LARP4B: variants seen among roughly 807,000 people sequenced by gnomAD.
LARP4B encodes la-related protein 4B.
A neutral mutation model predicts 89.8 loss-of-function variants in LARP4B; 12 were observed. The observed-to-expected ratio is 0.13, with a 90% CI of 0.09 to 0.22. The LOEUF is 0.22. Among genes scored for constraint, LARP4B ranks in the 10% least tolerant of loss-of-function variants. LARP4B has a pLI of 1.00. For missense variants in LARP4B, 757 were observed against 947.7 expected (o/e 0.80, Z 2.64); for synonymous variants, 367 against 363.3 (o/e 1.01, Z -0.12).
At chr10:838,003 G>T (rs1833318132) in intron 7 of LARP4B, among the ~76,000 whole-genome samples, 1 of 151,888 alleles carries the variant, frequency 6.6e-6, no homozygotes, top group South Asian at 2.1e-4. Flanking sequence ...ACATATTTAA[G>T]TGTACACACA....
At chr10:846,945 A>C (rs1833806985) in intron 5 of LARP4B, among the ~76,000 whole-genome samples, 1 of 152,194 alleles carries the variant, frequency 6.6e-6, no homozygotes. Context: ...CAAGAGAATC[A>C]TCCACTATAA....
the LARP4B span, among the ~76,000 whole-genome samples, chr10:967,216 G>C: frequency 3.9e-5 from 6 of 152,220 alleles, no homozygotes; most frequent in Non-Finnish European, 5.9e-5. Flanking sequence ...AGGACAAACG[G>C]AAAGCTATTC....
At chr10:924,037 C>A (rs996495513) in intron 1 of LARP4B, among the ~76,000 whole-genome samples, 9 of 151,958 alleles carry the variant, frequency 5.9e-5, no homozygotes, top group Admixed American at 2.6e-4. Context: ...AATTCGAGAC[C>A]AGACTGGGCA....
At chr10:878,671 A>T in intron 3 of LARP4B, among the ~76,000 whole-genome samples, 1 of 152,192 alleles carries the variant, frequency 6.6e-6, no homozygotes, top group South Asian at 2.1e-4. Context: ...ATGTAAGGAC[A>T]CCGGGGCCTA....
intron 5 of LARP4B, among the ~76,000 whole-genome samples, chr10:846,480 T>C (rs778122740): frequency 1.3e-5 from 2 of 152,006 alleles, no homozygotes; most frequent in African/African-American, 4.8e-5. Flanking sequence ...ATGGGGAGCC[T>C]CAAGCACAGG....
chr10:972,394 T>C, the LARP4B span: 1 of 424,386 alleles, frequency 2.4e-6, no homozygotes, highest in Non-Finnish European at 4.6e-6. Context: ...ACCATGCTCT[T>C]GGACTTCCCA....
At chr10:831,341 G>A (rs866190742) in intron 8 of LARP4B, among the ~76,000 whole-genome samples, 2 of 147,682 alleles carry the variant, frequency 1.4e-5, no homozygotes, top group African/African-American at 5.0e-5. Flanking sequence ...TTTTGCTTCT[G>A]GCCATGATGG....
At chr10:831,105 A>AAATCT in intron 8 of LARP4B, 128 bp from the exon 9 acceptor site, 1 of 471,618 alleles carries the variant, frequency 2.1e-6, no homozygotes, top group East Asian at 3.8e-5. Flanking sequence ...GATGCCTAGT[A>AAATCT]AATCTCTCTT....
chr10:822,873 G>A lies in LARP4B; in HGVS notation c.1485-2028C>T, dbSNP rs762938618. On this transcript the variant is annotated intron_variant, in intron 13 of 17. Coordinates refer to ENST00000316157, the MANE Select transcript of LARP4B (RefSeq NM_015155.3). This position sits in a 1 kb window ranked among gnomAD's most constrained non-coding sequence, Gnocchi z 4.6. ...AGCTGGGCCGTGCCCTGCCATGGCC[G>A]CCATGCAAGGGTAGGGACATGTGTC... 3.3e-5 allele frequency among the ~76,000 whole-genome samples: 5 copies of A among 152,210 alleles called. No homozygotes were observed. The highest frequency in any genetic ancestry group is 7.3e-5 in the Non-Finnish European group (5 of 68,036).
chr10:957,767 C>T, the LARP4B span, among the ~76,000 whole-genome samples: 1 of 149,750 alleles, frequency 6.7e-6, no homozygotes, highest in African/African-American at 2.5e-5. Flanking sequence ...ATATTCTTGC[C>T]TGTAATCTTA....
chr10:881,334 T>C (rs1385714908), intron 3 of LARP4B, among the ~76,000 whole-genome samples: 1 of 152,214 alleles, frequency 6.6e-6, no homozygotes, highest in African/African-American at 2.4e-5. Flanking sequence ...GTCTAAGTTG[T>C]GTCTACCACT....
rs185699066 is a variant in LARP4B at position 925,838 on chromosome 10, G to A, written c.-40+5590C>T. On this transcript the variant is annotated intron_variant, in intron 1 of 17. Coordinates refer to ENST00000316157, the MANE Select transcript of LARP4B (RefSeq NM_015155.3). ...CGTGAATCAAAGTGCCTGGCCGAAA[G>A]AGGGCACGTTTTTAAAGACTGAGAA... 2.0e-5 allele frequency among the ~76,000 whole-genome samples: 3 copies of A among 152,334 alleles called. No homozygotes were observed. In the East Asian group the frequency reaches 5.8e-4, roughly 29 times the overall value.
chr10:926,670 T>C (rs1837143305), intron 1 of LARP4B, among the ~76,000 whole-genome samples: 1 of 152,230 alleles, frequency 6.6e-6, no homozygotes. Context: ...AAGAACACTT[T>C]CAGCAAAGAT....
intron 5 of LARP4B, among the ~76,000 whole-genome samples, chr10:847,232 A>G (rs898657478): frequency 2.6e-5 from 4 of 152,166 alleles, no homozygotes; most frequent in Non-Finnish European, 5.9e-5. Flanking sequence ...CACCTTAGAA[A>G]GATGGGGAGT....
chr10:814,722 G>T lies in LARP4B; in HGVS notation c.1929+20C>A. The T allele has an allele frequency of 6.3e-7, 1 of 1,575,350 alleles. No individual in the cohort carries two copies. The highest frequency in any genetic ancestry group is 1.2e-5 in the South Asian group (1 of 86,288). On this transcript the variant is annotated intron_variant, in intron 17 of 17. Coordinates refer to ENST00000316157, the MANE Select transcript of LARP4B (RefSeq NM_015155.3). This position sits in a 1 kb window ranked among gnomAD's most constrained non-coding sequence, Gnocchi z 4.4. ...GAGCCTCGCGGCTGTCGTGCAGGAA[G>T]GCAGGCACGAGGTACGTACCGTGGC...
chr10:984,343 T>C, the LARP4B span, among the ~76,000 whole-genome samples: 1 of 152,336 alleles, frequency 6.6e-6, no homozygotes, highest in Non-Finnish European at 1.5e-5. Context: ...AGTACATGCA[T>C]TCCAAATACG....
At chr10:923,165 T>C (rs1040178273) in intron 1 of LARP4B, among the ~76,000 whole-genome samples, 1 of 152,102 alleles carries the variant, frequency 6.6e-6, no homozygotes, top group Non-Finnish European at 1.5e-5. Context: ...AAACACTAAA[T>C]GCCAGTGTTC....
upstream of LARP4B, among the ~76,000 whole-genome samples, chr10:936,743 C>A (rs1015806503): frequency 1.2e-4 from 18 of 152,084 alleles, no homozygotes; most frequent in Admixed American, 7.2e-4. Flanking sequence ...CAACAAAAAA[C>A]CAGATTTACT....
the LARP4B span, among the ~76,000 whole-genome samples, chr10:940,684 A>G: frequency 6.6e-6 from 1 of 152,256 alleles, no homozygotes; most frequent in Non-Finnish European, 1.5e-5. Context: ...TACATAAGAA[A>G]GAGACAAAAT....
Sources: allele counts gnomAD v4.1 joint callset (sites outside exome capture counted in the v4.1 genomes callset), GRCh38; gene constraint gnomAD v4.1.1; non-coding constraint Gnocchi (gnomAD v3.1); transcripts MANE v1.5; gene names NCBI Gene and HGNC (gene_info 2026-07-23, HGNC 2026-07-21).